The following FNDC3A variants were observed in gnomAD, a reference collection of about 807,000 sequenced individuals.
FNDC3A encodes the protein fibronectin type-III domain-containing protein 3A.
FNDC3A carries 32 observed loss-of-function variants against 148.9 expected under a neutral mutation model. That is an observed-to-expected ratio of 0.21 (90% CI 0.16 to 0.29). The LOEUF is 0.29. Among genes scored for constraint, FNDC3A ranks in the 10% least tolerant of loss-of-function variants. FNDC3A has a pLI of 1.00. For synonymous variants in FNDC3A, 472 were observed against 473.6 expected, an observed-to-expected ratio of 1.00 and a Z score of 0.04; for missense variants, 1,191 against 1,452.8, an observed-to-expected ratio of 0.82 and a Z score of 2.93.
At position 49,191,172 on chromosome 13, in the gene FNDC3A, C is replaced by T. The variant is rs200334250; in HGVS notation, c.2051-37C>T. The T allele has an allele frequency of 5.1e-5, 81 of 1,603,254 alleles. No individual in the cohort carries two copies. The Admixed American group carries it at 8.2e-4, about 16-fold the overall frequency. On this transcript the variant is annotated intron_variant, in intron 18 of 25. Transcript: ENST00000492622. ...TAATTAAGCTAGAACAGGAAGTATTCGTCTTGTTAAATTGCATTAATCTTT... is the reference window on the plus strand; with the variant it reads ...TAATTAAGCTAGAACAGGAAGTATTTGTCTTGTTAAATTGCATTAATCTTT...
chr13:49,162,641 T>G (rs181078957), intron 8 of FNDC3A, among the ~76,000 whole-genome samples: 262 of 152,342 alleles, frequency 1.7e-3, no homozygotes, highest in African/African-American at 6.2e-3. Flanking sequence ...CCGTCCTGTT[T>G]TGTTCCCGTT....
chr13:49,074,235 C>T (rs1184407823), intron 2 of FNDC3A, among the ~76,000 whole-genome samples: 1 of 152,078 alleles, frequency 6.6e-6, no homozygotes, highest in Non-Finnish European at 1.5e-5. Flanking sequence ...CCTCACACTC[C>T]CCTCTCCTCA....
At chr13:49,081,666 C>CT (rs878989293) in intron 3 of FNDC3A, among the ~76,000 whole-genome samples, 2 of 152,180 alleles carry the variant, frequency 1.3e-5, no homozygotes, top group Non-Finnish European at 2.9e-5. Flanking sequence ...TATATAGTCT[C>CT]TAATTACATT....
chr13:49,039,388 G>A (rs938384975), intron 2 of FNDC3A, among the ~76,000 whole-genome samples: 7 of 152,052 alleles, frequency 4.6e-5, no homozygotes, highest in African/African-American at 1.7e-4. Flanking sequence ...AGAGGTTCCC[G>A]TCAGGCTTGC....
intron 2 of FNDC3A, among the ~76,000 whole-genome samples, chr13:49,020,283 C>A (rs969254659): frequency 6.6e-6 from 1 of 151,892 alleles, no homozygotes. Context: ...TAATGATACA[C>A]GATTTGAGAA....
intron 2 of FNDC3A, among the ~76,000 whole-genome samples, chr13:49,059,370 A>G (rs1876487502): frequency 6.6e-6 from 1 of 152,378 alleles, no homozygotes; most frequent in South Asian, 2.1e-4. Flanking sequence ...ATTTGACTTC[A>G]TTGAAATTAA....
At chr13:49,206,345 A>G (rs575755626) in intron 25 of FNDC3A, among the ~76,000 whole-genome samples, 89 of 118,618 alleles carry the variant, frequency 7.5e-4, no homozygotes, top group African/African-American at 2.7e-3. Flanking sequence ...CTTCTTATTT[A>G]TGCCTAGTGT....
chr13:49,071,541 A>AT (rs563147577), intron 2 of FNDC3A, among the ~76,000 whole-genome samples: 1 of 151,922 alleles, frequency 6.6e-6, no homozygotes, highest in Non-Finnish European at 1.5e-5. Context: ...CACATCTGTT[A>AT]TTTTTTTGAC....
intron 8 of FNDC3A, among the ~76,000 whole-genome samples, chr13:49,148,554 T>G (rs901801016): frequency 6.6e-6 from 1 of 152,214 alleles, no homozygotes; most frequent in Non-Finnish European, 1.5e-5. Context: ...ATTGTGTTCC[T>G]TAGTTCTTGT....
chr13:49,077,602 G>A (rs1404631389), intron 3 of FNDC3A, among the ~76,000 whole-genome samples: 2 of 152,144 alleles, frequency 1.3e-5, no homozygotes, highest in African/African-American at 4.8e-5. Context: ...CACAGAGAGG[G>A]GAACCTCACA....
intron 2 of FNDC3A, among the ~76,000 whole-genome samples, chr13:49,022,023 T>C (rs1873365455): frequency 6.6e-6 from 1 of 152,242 alleles, no homozygotes; most frequent in Non-Finnish European, 1.5e-5. Flanking sequence ...GGTGAACAAT[T>C]GTAAAAAGGT....
intron 19 of FNDC3A, 51 bp downstream of exon 19, chr13:49,191,435 C>G: frequency 1.5e-6 from 2 of 1,376,388 alleles, no homozygotes; most frequent in East Asian, 2.4e-5. Flanking sequence ...ATATATGTTT[C>G]ATTTTAACAT....
At chr13:49,183,897 A>G (rs1885432113) in intron 14 of FNDC3A, among the ~76,000 whole-genome samples, 1 of 152,234 alleles carries the variant, frequency 6.6e-6, no homozygotes, top group South Asian at 2.1e-4. Context: ...TCATTCAACC[A>G]ATATCTGTTG....
intron 2 of FNDC3A, among the ~76,000 whole-genome samples, chr13:49,021,900 T>C (rs899409087): frequency 6.6e-6 from 1 of 152,222 alleles, no homozygotes; most frequent in African/African-American, 2.4e-5. Flanking sequence ...TATTTTTATA[T>C]TGATATCTAA....
intron 1 of FNDC3A, among the ~76,000 whole-genome samples, chr13:48,986,952 G>A (rs1951819133): frequency 6.6e-6 from 1 of 152,146 alleles, no homozygotes. Context: ...TAATACAGTA[G>A]CTTTTACACA....
In FNDC3A at chr13:49,114,679, C is replaced by T; in HGVS notation, c.200C>T (p.Ser67Phe). 6.2e-7 allele frequency: 1 copy of T among 1,612,966 alleles called. No individual in the cohort carries two copies. Among genetic ancestry groups the T allele is most frequent in the Non-Finnish European group, 8.5e-7 (1 of 1,178,996 alleles). ...ITGPAQVPMMSPNGSVPPIYV... is the reference protein window; with the variant it reads ...ITGPAQVPMMFPNGSVPPIYV... ...GGTCCTGCTCAGGTTCCAATGATGT[C>T]CCCAAATGGTTCTGTGCCTCCTATC... Residue 67 changes from serine to phenylalanine, a missense_variant, in exon 4 of 26, where the codon TCC (serine) becomes TTC (phenylalanine). Transcript: ENST00000492622.
At chr13:49,037,693 C>G (rs559737662) in intron 2 of FNDC3A, among the ~76,000 whole-genome samples, 1 of 152,314 alleles carries the variant, frequency 6.6e-6, no homozygotes, top group African/African-American at 2.4e-5. Context: ...CCTCACCCCC[C>G]TCACAGTACA....
chr13:49,193,517 C>G (rs1593736654), intron 19 of FNDC3A, among the ~76,000 whole-genome samples: 1 of 152,198 alleles, frequency 6.6e-6, no homozygotes, highest in Non-Finnish European at 1.5e-5. Context: ...CCACCTTAGC[C>G]TCCCAAAGAG....
intron 2 of FNDC3A, among the ~76,000 whole-genome samples, chr13:49,012,870 TAC>T (rs768754548): frequency 6.7e-6 from 1 of 148,974 alleles, no homozygotes; most frequent in Non-Finnish European, 1.5e-5. Context: ...GAGTTAGAAA[TAC>T]AGTTTATTTT....
Sources: allele counts gnomAD v4.1 joint callset (sites outside exome capture counted in the v4.1 genomes callset), GRCh38; gene constraint gnomAD v4.1.1; transcripts MANE v1.5; gene names NCBI Gene and HGNC (gene_info 2026-07-23, HGNC 2026-07-21).